Variants in COL23A1 observed in about 807,000 individuals in gnomAD.
COL23A1 encodes collagen alpha-1(XXIII) chain.
A neutral mutation model predicts 99.3 loss-of-function variants in COL23A1; 97 were observed. The observed-to-expected ratio is 0.98, with a 90% CI of 0.83 to 1.16. COL23A1 has a LOEUF of 1.16. COL23A1 is among the 50% of genes most tolerant of loss of function. The pLI is 0.00. For missense variants in COL23A1, 762 were observed against 757.4 expected, an observed-to-expected ratio of 1.01 and a Z score of -0.07; for synonymous variants, 320 against 308.2, an observed-to-expected ratio of 1.04 and a Z score of -0.40.
intron 25 of COL23A1, among the ~76,000 whole-genome samples, chr5:178,243,967 A>T (rs72819013): frequency 0.037 from 5,572 of 152,146 alleles, 138 homozygotes; most frequent in Non-Finnish European, 0.054. Flanking sequence ...CCTCGTCCAC[A>T]GTTGCTCTCC....
At chr5:178,475,475 G>C (rs1185786638) in intron 2 of COL23A1, among the ~76,000 whole-genome samples, 1 of 152,158 alleles carries the variant, frequency 6.6e-6, no homozygotes, top group Non-Finnish European at 1.5e-5. Context: ...CTATACTCCT[G>C]ACTCTCAGAA....
At chr5:178,336,874 G>T (rs898777139) in intron 2 of COL23A1, among the ~76,000 whole-genome samples, 2 of 151,926 alleles carry the variant, frequency 1.3e-5, no homozygotes, top group Non-Finnish European at 2.9e-5. Flanking sequence ...AGGGTAGAAG[G>T]AAAAAAACAA....
intron 2 of COL23A1, among the ~76,000 whole-genome samples, chr5:178,504,137 T>A (rs951531079): frequency 2.6e-5 from 4 of 152,098 alleles, no homozygotes; most frequent in African/African-American, 7.2e-5. Flanking sequence ...GTCTGAGGCA[T>A]AAAATGAGTC....
At chr5:178,534,546 C>T (rs529832) in intron 2 of COL23A1, among the ~76,000 whole-genome samples, 58,425 of 151,938 alleles carry the variant, frequency 0.38, 11,373 homozygotes, top group East Asian at 0.56. Flanking sequence ...TTTGGGAGGC[C>T]AAGGCGGGCA....
Position 178,434,531 on chromosome 5 carries a change from G to A in COL23A1, c.361+126151C>T, listed in dbSNP as rs1183141425. On this transcript the variant is annotated intron_variant, in intron 2 of 28. Coordinates refer to ENST00000390654, the MANE Select transcript of COL23A1 (RefSeq NM_173465.4). The surrounding 1 kb of genome is among the most constrained non-coding windows in gnomAD (Gnocchi z 4.3). ...GGGTGAAGATCAAAGGAGAGGAGGG[G>A]CAGCTGAGCCCCAGCCTGGGGCCTT... 6.6e-6 allele frequency among the ~76,000 whole-genome samples: 1 copy of A among 152,234 alleles called. No homozygotes were observed. The highest frequency in any genetic ancestry group is 6.5e-5 in the Admixed American group (1 of 15,294).
intron 2 of COL23A1, among the ~76,000 whole-genome samples, chr5:178,328,689 A>C (rs891833425): frequency 1.3e-5 from 2 of 152,228 alleles, no homozygotes; most frequent in Non-Finnish European, 2.9e-5. Flanking sequence ...TGCATGCTCA[A>C]CTAATTACTC....
In COL23A1 at chr5:178,432,501, C is replaced by T. The variant is rs1022144155; in HGVS notation, c.362-125582G>A. 1.1e-4 allele frequency among the ~76,000 whole-genome samples: 16 copies of T among 152,262 alleles called. No individual in the cohort carries two copies. In the East Asian group the frequency reaches 1.5e-3, roughly 15 times the overall value. ...CCCTCTCGCCTGCCTCCTACGCTCC[C>T]GGCAGGAAGTCAGAAGACCCAGGAG... On this transcript the variant is annotated intron_variant, in intron 2 of 28. Coordinates refer to ENST00000390654, the MANE Select transcript of COL23A1 (RefSeq NM_173465.4).
In COL23A1 at chr5:178,340,427, T is replaced by C. The variant is rs946144974; in HGVS notation, c.362-33508A>G. The stretch of plus-strand genomic sequence containing the variant: ...TCACTTCTGCTTTTGCCTTAGATAC[T>C]GAAGAGCCCAGCTCCACACCACGAC... On this transcript the variant is annotated intron_variant, in intron 2 of 28. Coordinates refer to ENST00000390654, the MANE Select transcript of COL23A1 (RefSeq NM_173465.4). The surrounding 1 kb of genome is among the most constrained non-coding windows in gnomAD (Gnocchi z 4.7). Among the ~76,000 whole-genome samples, 2 of 152,280 alleles carry C rather than the reference T, an allele frequency of 1.3e-5. No homozygotes were observed. The highest frequency in any genetic ancestry group is 3.9e-4 in the East Asian group (2 of 5,176).
At chr5:178,552,872 C>A (rs1440161756) in intron 2 of COL23A1, among the ~76,000 whole-genome samples, 1 of 152,024 alleles carries the variant, frequency 6.6e-6, no homozygotes, top group Non-Finnish European at 1.5e-5. Context: ...TGCCACCACA[C>A]CTGGCTAATT....
chr5:178,253,295 C>T (rs1005918579), intron 16 of COL23A1, among the ~76,000 whole-genome samples: 1 of 151,048 alleles, frequency 6.6e-6, no homozygotes, highest in African/African-American at 2.4e-5. Flanking sequence ...CTCCCACCTC[C>T]CTATCCTGTG....
intron 2 of COL23A1, among the ~76,000 whole-genome samples, chr5:178,419,078 T>C (rs1269647899): frequency 6.6e-6 from 1 of 152,140 alleles, no homozygotes; most frequent in African/African-American, 2.4e-5. Context: ...TCCTGTCTGC[T>C]CCCTGTCCTC....
At chr5:178,573,013 T>C (rs7716274) in intron 1 of COL23A1, among the ~76,000 whole-genome samples, 10,900 of 151,918 alleles carry the variant, frequency 0.072, 1,038 homozygotes, top group African/African-American at 0.21. Flanking sequence ...AAATCAATAG[T>C]AACAAAATCA....
chr5:178,488,357 C>T (rs1328893122), intron 2 of COL23A1, among the ~76,000 whole-genome samples: 1 of 152,160 alleles, frequency 6.6e-6, no homozygotes, highest in African/African-American at 2.4e-5. Flanking sequence ...ATCCTCAAGG[C>T]TCTCACAGAT....
intron 2 of COL23A1, chr5:178,351,023 G>C (rs188383960): frequency 6.6e-6 from 1 of 152,228 alleles, no homozygotes; most frequent in Non-Finnish European, 1.5e-5. Flanking sequence ...TGGGGTTGCC[G>C]ACCCTGAGAA....
chr5:178,556,671 A>AAAAG (rs1341897825), intron 2 of COL23A1, among the ~76,000 whole-genome samples: 27 of 98,726 alleles, frequency 2.7e-4, no homozygotes, highest in African/African-American at 1.2e-3. Context: ...TAAAATAAAA[A>AAAAG]AGCTGAGTGT....
intron 2 of COL23A1, chr5:178,443,223 G>A (rs1320988175): frequency 6.6e-6 from 1 of 152,116 alleles, no homozygotes; most frequent in Non-Finnish European, 1.5e-5. Context: ...TTTGGTTCAA[G>A]GCAGGAAACG....
rs573661644 is a variant in COL23A1, at chr5:178,262,047, G to A, written c.675+170C>T. 1.2e-4 allele frequency among the ~76,000 whole-genome samples: 18 copies of A among 152,342 alleles called. 1 individual carries two copies. The South Asian group carries it at 2.5e-3, about 21-fold the overall frequency. On this transcript the variant is annotated intron_variant, in intron 10 of 28. Transcript: ENST00000390654. ...GCCATTTCCCCAGGGTGGCTGGAGG[G>A]GCAGGTGCACAGGGGTCCACACACA...
At position 178,358,236 on chromosome 5, in the gene COL23A1, G is replaced by GTA. The variant is rs1489942987; in HGVS notation, c.362-51318_362-51317insTA. 4.0e-3 allele frequency among the ~76,000 whole-genome samples: 318 copies of GTA among 78,770 alleles called. 1 individual carries two copies. The highest frequency in any genetic ancestry group is 0.014 in the African/African-American group (196 of 13,904). The allele number at this position is 78,770 out of a possible 152,430, so 51.7% of individuals were successfully genotyped here. ...GTATGTGTGTCTAATGTGTGTATGTGTGTATGTGTATGTGTGTGTATGTAT... is the reference window on the plus strand; with the variant it reads ...GTATGTGTGTCTAATGTGTGTATGTGTATGTATGTGTATGTGTGTGTATGTAT... On this transcript the variant is annotated intron_variant, in intron 2 of 28. Coordinates refer to ENST00000390654, the MANE Select transcript of COL23A1 (RefSeq NM_173465.4).
intron 2 of COL23A1, among the ~76,000 whole-genome samples, chr5:178,330,189 A>G (rs1759934331): frequency 6.6e-6 from 1 of 152,216 alleles, no homozygotes. Flanking sequence ...CTGCAGAAGA[A>G]GGGCCTAGGG....
Sources: allele counts gnomAD v4.1 joint callset (sites outside exome capture counted in the v4.1 genomes callset), GRCh38; gene constraint gnomAD v4.1.1; non-coding constraint Gnocchi (gnomAD v3.1); transcripts MANE v1.5; gene names NCBI Gene and HGNC (gene_info 2026-07-23, HGNC 2026-07-21).